The following TBC1D10B variants were observed in gnomAD, a reference collection of about 807,000 sequenced individuals.
TBC1D10B encodes the protein TBC1 domain family member 10B.
In TBC1D10B, 25 loss-of-function variants were observed where a neutral mutation model predicts 78.4. That is an observed-to-expected ratio of 0.32 (90% CI 0.23 to 0.45). TBC1D10B has a LOEUF of 0.45. Ranked by LOEUF, TBC1D10B falls within the 20% of genes least tolerant of loss-of-function variation. The pLI, the probability that TBC1D10B is intolerant of heterozygous loss-of-function variation, is 1.00. For synonymous variants in TBC1D10B, 517 were observed against 478.0 expected (o/e 1.08, Z -1.06); for missense variants, 996 against 1,104.8 (o/e 0.90, Z 1.40).
chr16:30,366,237 G>C (rs1008007852), intron 1 of TBC1D10B: 6 of 152,544 alleles, frequency 3.9e-5, no homozygotes, highest in African/African-American at 1.4e-4. Context: ...GGGCATGGTG[G>C]CTCCCACCTG....
In TBC1D10B at chr16:30,359,240, A is replaced by G. The variant is rs772128927; in HGVS notation, c.1574T>C (p.Met525Thr). Residue 525 changes from methionine (M) to threonine (T), a missense_variant, in exon 7 of 9, where the codon ATG becomes ACG. Around this residue, in one of 5 missense-constraint regions of TBC1D10B, gnomAD observed 168 missense variants for 238.7 expected, o/e 0.70. Transcript: ENST00000409939. ...DPVLYMTEWFMCIFARTLPWA... is the reference protein window; with the variant it reads ...DPVLYMTEWFTCIFARTLPWA... ...GGGCAGGGTGCGGGCGAAGATGCAC[A>G]TGAACCACTCCGTCATGTAGAGCAC... 1.2e-6 allele frequency: 2 copies of G among 1,613,056 alleles called. No individual in the cohort carries two copies. Among genetic ancestry groups the G allele is most frequent in the Non-Finnish European group, 1.7e-6 (2 of 1,179,486 alleles).
At position 30,357,519 on chromosome 16, in the gene TBC1D10B, G is replaced by A. The variant is rs1318819817; in HGVS notation, c.*425C>T. 3.6e-5 allele frequency: 8 copies of A among 220,620 alleles called. No homozygotes were observed. The highest frequency in any genetic ancestry group is 1.0e-4 in the East Asian group (1 of 9,900). 13.7% of individuals were successfully genotyped at this position (220,620 alleles called of 1,614,324 possible). On this transcript the variant is annotated 3_prime_UTR_variant, in exon 9 of 9. Transcript: ENST00000409939. ...AACACAGGTCCAGAATGAGAGCCCT[G>A]GCCAGGAAGTGGGGGAGACAGGGAG...
rs999566738 is a variant in TBC1D10B at position 30,358,416 on chromosome 16, G to A, written c.1955C>T (p.Pro652Leu). The A allele has an allele frequency of 1.9e-6, 3 of 1,578,156 alleles. No individual in the cohort carries two copies. Among genetic ancestry groups the A allele is most frequent in the Non-Finnish European group, 2.6e-6 (3 of 1,162,762 alleles). Residue 652 changes from proline (P) to leucine (L), a missense_variant, in exon 9 of 9, where the codon CCC (proline) becomes CTC (leucine). Around this residue, in one of 5 missense-constraint regions of TBC1D10B, gnomAD observed 285 missense variants for 252.5 expected, o/e 1.13. Coordinates refer to ENST00000409939, the MANE Select transcript of TBC1D10B (RefSeq NM_015527.4). ...IHEERRRQQP[P>L]LGPSSSLLSL... ...GAGGAGGCTGGAGGAGGGGCCCAGG[G>A]GTGGCTGTTGCCGCCGGCGCTCCTC...
chr16:30,363,714 T>C (rs1037862262), intron 4 of TBC1D10B, among the ~76,000 whole-genome samples: 2 of 152,216 alleles, frequency 1.3e-5, no homozygotes, highest in Admixed American at 1.3e-4. Flanking sequence ...ATAAACACCA[T>C]GAGAGGAGTT....
Position 30,365,834 on chromosome 16 carries a change from TG to T in TBC1D10B, c.957-241del, listed in dbSNP as rs1025364654. 6.0e-6 allele frequency: 3 copies of T among 503,722 alleles called. No individual in the cohort carries two copies. The highest frequency in any genetic ancestry group is 5.8e-5 in the African/African-American group (3 of 51,938). The allele number at this position is 503,722 out of a possible 1,614,324, so 31.2% of individuals were successfully genotyped here. A position where few individuals can be genotyped will look rare whatever the true frequency, so the allele number is the denominator to read the frequency against. On this transcript the variant is annotated intron_variant, in intron 1 of 8. Transcript: ENST00000409939. This position sits in a 1 kb window ranked among gnomAD's most constrained non-coding sequence, Gnocchi z 5.0. ...ATCTCACTTCTGACACATCCAAATCTGGGGAGAGAGTATGGAGTATTTTAAA... is the reference window on the plus strand; with the variant it reads ...ATCTCACTTCTGACACATCCAAATCTGGGAGAGAGTATGGAGTATTTTAAA...
chr16:30,367,820 T>C (rs1253076803), intron 1 of TBC1D10B: 1 of 152,184 alleles, frequency 6.6e-6, no homozygotes, highest in Non-Finnish European at 1.5e-5. Flanking sequence ...TAACATGGAT[T>C]ACAGTCAGTC....
chr16:30,357,995 A>C lies in TBC1D10B; in HGVS notation c.2376T>G (p.His792Gln). 4 of 1,551,730 alleles carry C rather than the reference A, an allele frequency of 2.6e-6. No individual in the cohort carries two copies. Among genetic ancestry groups the C allele is most frequent in the Non-Finnish European group, 3.5e-6 (4 of 1,146,978 alleles). ...RRKADGPPGP[H>Q]DGGDRPSAEA... ...CGGCTGAGGGCCTGTCCCCACCATCATGGGGGCCTGGGGGCCCATCTGCCT... is the reference window on the plus strand; with the variant it reads ...CGGCTGAGGGCCTGTCCCCACCATCCTGGGGGCCTGGGGGCCCATCTGCCT... The change falls in exon 9 of 9, where the codon CAT becomes CAG. Residue 792 changes from histidine to glutamine, a missense_variant. By Grantham distance (24) the His-to-Gln change is conservative (BLOSUM62 0). This residue lies in a region of TBC1D10B where 285 missense variants were observed against 252.5 expected (regional missense o/e 1.13). Coordinates refer to ENST00000409939, the MANE Select transcript of TBC1D10B (RefSeq NM_015527.4).
chr16:30,370,011 G>A lies in TBC1D10B; in HGVS notation c.173C>T (p.Ala58Val), dbSNP rs2049674507. ...APVTLVAPGE[A>V]RPAWVPGSAE... ...CGACCCCGGGACCCAGGCGGGCCGC[G>A]CCTCCCCGGGGGCCACCAGGGTGAC... is the stretch of plus-strand genomic sequence containing the variant. Residue 58 changes from alanine (A) to valine (V), a missense_variant, in exon 1 of 9, where the codon GCG becomes GTG. Ala to Val is a moderately conservative substitution (Grantham distance 64, BLOSUM62 0). Transcript: ENST00000409939. 2 of 1,232,610 alleles carry A rather than the reference G, an allele frequency of 1.6e-6. No individual in the cohort carries two copies. The highest frequency in any genetic ancestry group is 3.9e-5 in the South Asian group (1 of 25,320). 76.4% of individuals were successfully genotyped at this position (1,232,610 alleles called of 1,614,324 possible).
rs868164527 is a variant in TBC1D10B, at chr16:30,361,037, C to A, written c.1272-1196G>T. Reference sequence around the variant, plus strand: ...CAGTAGCTCGCGCCTGTAATCCTAGCACTTTGGGAGGCCAAGGTGGGTGGA... The same window carrying A: ...CAGTAGCTCGCGCCTGTAATCCTAGAACTTTGGGAGGCCAAGGTGGGTGGA... On this transcript the variant is annotated intron_variant, in intron 4 of 8. Coordinates refer to ENST00000409939, the MANE Select transcript of TBC1D10B (RefSeq NM_015527.4). 3.3e-5 allele frequency among the ~76,000 whole-genome samples: 5 copies of A among 152,252 alleles called. No homozygotes were observed. In the Middle Eastern group the frequency reaches 0.01, roughly 311 times the overall value.
Position 30,365,693 on chromosome 16 carries a change from GA to G in TBC1D10B, c.957-100del, listed in dbSNP as rs2049630916. 3 of 1,128,488 alleles carry G rather than the reference GA, an allele frequency of 2.7e-6. No individual in the cohort carries two copies. In the East Asian group the frequency reaches 7.2e-5, roughly 27 times the overall value. 69.9% of individuals were successfully genotyped at this position (1,128,488 alleles called of 1,614,324 possible). ...AAGCCACCTCCCCAAGCTCAAACGA[GA>G]AACTGGATAGTCTGTGAGCTGCCAA... On this transcript the variant is annotated intron_variant, in intron 1 of 8. Transcript: ENST00000409939. The surrounding 1 kb of genome is among the most constrained non-coding windows in gnomAD (Gnocchi z 5.0).
rs2049677462 is a variant in TBC1D10B, at chr16:30,370,191, G to C, written c.-8C>G. 8.7e-7 allele frequency: 1 copy of C among 1,155,210 alleles called. No homozygotes were observed. Among genetic ancestry groups the C allele is most frequent in the Non-Finnish European group, 1.1e-6 (1 of 937,918 alleles). 71.6% of individuals were successfully genotyped at this position (1,155,210 alleles called of 1,614,324 possible). A position where few individuals can be genotyped will look rare whatever the true frequency, so the allele number is the denominator to read the frequency against. On this transcript the variant is annotated 5_prime_UTR_variant, in exon 1 of 9. Transcript: ENST00000409939. Reference sequence around the variant, plus strand: ...CGCCGTGCCCGTCTCCATGGCCGCGGGCCGCCCCTCACATCCCCCCGCCGG... The same window carrying C: ...CGCCGTGCCCGTCTCCATGGCCGCGCGCCGCCCCTCACATCCCCCCGCCGG...
In TBC1D10B at chr16:30,369,792, T is replaced by TCTGC; in HGVS notation, c.388_391dup (p.Asp131GlyfsTer82). On this transcript the variant is annotated frameshift_variant, in exon 1 of 9. Coordinates refer to ENST00000409939, the MANE Select transcript of TBC1D10B (RefSeq NM_015527.4). LOFTEE classifies it high-confidence loss of function. The surrounding 1 kb of genome is among the most constrained non-coding windows in gnomAD (Gnocchi z 4.3). ...TCGAGCCTCCTCTGTCTTCGGCGAG[T>TCTGC]CTGCCCCTGCGGCCAGAGCCCTCGA... is the stretch of plus-strand genomic sequence containing the variant. 7.0e-7 allele frequency: 1 copy of TCTGC among 1,431,682 alleles called. No homozygotes were observed. The highest frequency in any genetic ancestry group is 9.2e-7 in the Non-Finnish European group (1 of 1,090,820). The allele number at this position is 1,431,682 out of a possible 1,614,324, so 88.7% of individuals were successfully genotyped here.
chr16:30,365,442 A>G lies in TBC1D10B; in HGVS notation c.1056+53T>C. On this transcript the variant is annotated intron_variant, in intron 2 of 8. Transcript: ENST00000409939. The surrounding 1 kb of genome is among the most constrained non-coding windows in gnomAD (Gnocchi z 5.0). The stretch of plus-strand genomic sequence containing the variant: ...GGCTTCCTGGGCTTCCCTGGAGCAC[A>G]TGCTACCCCTCCCAACTTGTGCATT... The G allele has an allele frequency of 1.9e-6, 3 of 1,599,300 alleles. No individual in the cohort carries two copies. The highest frequency in any genetic ancestry group is 2.6e-6 in the Non-Finnish European group (3 of 1,166,592).
chr16:30,361,915 C>T (rs1284093012), intron 4 of TBC1D10B, among the ~76,000 whole-genome samples: 1 of 151,916 alleles, frequency 6.6e-6, no homozygotes, highest in African/African-American at 2.4e-5. Context: ...GGCGCGATCT[C>T]GGCTCACTGC....
At position 30,365,467 on chromosome 16, in the gene TBC1D10B, T is replaced by C. The variant is rs767416326; in HGVS notation, c.1056+28A>G. Reference sequence around the variant, plus strand: ...ATGCTACCCCTCCCAACTTGTGCATTGCCCTGCCCACCATTCAGCCCTCAA... The same window carrying C: ...ATGCTACCCCTCCCAACTTGTGCATCGCCCTGCCCACCATTCAGCCCTCAA... On this transcript the variant is annotated intron_variant, in intron 2 of 8. Coordinates refer to ENST00000409939, the MANE Select transcript of TBC1D10B (RefSeq NM_015527.4). This position sits in a 1 kb window ranked among gnomAD's most constrained non-coding sequence, Gnocchi z 5.0. The C allele has an allele frequency of 1.9e-6, 3 of 1,612,282 alleles. No individual in the cohort carries two copies. Among genetic ancestry groups the C allele is most frequent in the Admixed American group, 1.7e-5 (1 of 60,002 alleles).
At chr16:30,367,968 G>A (rs1312879714) in intron 1 of TBC1D10B, 3 of 152,208 alleles carry the variant, frequency 2.0e-5, no homozygotes, top group Non-Finnish European at 2.9e-5. Flanking sequence ...GAGTTCCTCA[G>A]GACAGCCTGC....
At position 30,370,258 on chromosome 16, in the gene TBC1D10B, G is replaced by A. The variant is rs2049678881; in HGVS notation, c.-75C>T. The A allele has an allele frequency of 2.4e-6, 2 of 821,342 alleles. No individual in the cohort carries two copies. The highest frequency in any genetic ancestry group is 3.1e-6 in the Non-Finnish European group (2 of 648,760). 50.9% of individuals were successfully genotyped at this position (821,342 alleles called of 1,614,324 possible). A position where few individuals can be genotyped will look rare whatever the true frequency, so the allele number is the denominator to read the frequency against. ...GCCGCCCCTCGGGCCTCCCGGCGAG[G>A]CCAGCCGAGAAAGGGGAGAGGGCGA... On this transcript the variant is annotated 5_prime_UTR_variant, in exon 1 of 9. Coordinates refer to ENST00000409939, the MANE Select transcript of TBC1D10B (RefSeq NM_015527.4).
In TBC1D10B at chr16:30,369,108, C is replaced by T. The variant is rs534617119; in HGVS notation, c.956+120G>A. 11 of 1,063,356 alleles carry T rather than the reference C, an allele frequency of 1.0e-5. No individual in the cohort carries two copies. The African/African-American group carries it at 1.6e-4, about 16-fold the overall frequency. 65.9% of individuals were successfully genotyped at this position (1,063,356 alleles called of 1,614,324 possible). On this transcript the variant is annotated intron_variant, in intron 1 of 8. Coordinates refer to ENST00000409939, the MANE Select transcript of TBC1D10B (RefSeq NM_015527.4). This position sits in a 1 kb window ranked among gnomAD's most constrained non-coding sequence, Gnocchi z 4.3. ...ACACGGCAGCTCGCGCTGATCACCC[C>T]GTGGATCCTCAGAGGAGGCTGGGCT...
At chr16:30,361,976 A>G (rs922110931) in intron 4 of TBC1D10B, among the ~76,000 whole-genome samples, 3 of 152,018 alleles carry the variant, frequency 2.0e-5, no homozygotes, top group African/African-American at 7.2e-5. Flanking sequence ...CCTCCCGAGT[A>G]GCTGCAACTA....
Sources: gnomAD v4.1 joint callset for allele counts (sites outside exome capture counted in the v4.1 genomes callset) on GRCh38, gnomAD v4.1.1 for gene constraint, gnomAD v4.1.1 regional missense constraint, Gnocchi (gnomAD v3.1) non-coding constraint, MANE v1.5 for transcripts, NCBI Gene and HGNC (gene_info 2026-07-23, HGNC 2026-07-21) for gene names.